Variants in TVP23C observed in about 807,000 individuals in gnomAD.
TVP23C encodes trans-golgi network vesicle protein 23 homolog C.
In TVP23C, 19 loss-of-function variants were observed where a neutral mutation model predicts 28.7. That is an observed-to-expected ratio of 0.66 (90% CI 0.46 to 0.97). TVP23C has a LOEUF of 0.97. TVP23C is among the 50% of genes least tolerant of loss of function. The pLI is 0.00. For missense variants in TVP23C, 186 were observed against 241.3 expected (o/e 0.77, Z 1.52); for synonymous variants, 68 against 81.7 (o/e 0.83, Z 0.90).
downstream of TVP23C, among the ~76,000 whole-genome samples, chr17:15,532,172 T>C (rs1275299509): frequency 3.9e-5 from 6 of 152,226 alleles, no homozygotes; most frequent in Non-Finnish European, 5.9e-5. Context: ...CCCCTTTTTT[T>C]AAGTTTTCTG....
At chr17:15,513,572 A>T (rs1015227247) in intron 5 of TVP23C, among the ~76,000 whole-genome samples, 1 of 152,224 alleles carries the variant, frequency 6.6e-6, no homozygotes, top group Non-Finnish European at 1.5e-5. Context: ...CCATCTAAAA[A>T]GCAAAGAGGT....
intron 5 of TVP23C, among the ~76,000 whole-genome samples, chr17:15,507,571 G>A (rs1352485180): frequency 6.6e-6 from 1 of 152,158 alleles, no homozygotes; most frequent in Non-Finnish European, 1.5e-5. Context: ...GGGCGCGGTG[G>A]CTCACGCCTG....
In TVP23C at chr17:15,537,726, T is replaced by G; in HGVS notation, c.*2686A>C. On this transcript the variant is annotated 3_prime_UTR_variant, in exon 6 of 6. Transcript: ENST00000518321. Reference sequence around the variant, plus strand: ...TCCTGAAAACAATCTACAGAAATAATATGTAAACATATAGAGCTTTGAGAC... The same window carrying G: ...TCCTGAAAACAATCTACAGAAATAAGATGTAAACATATAGAGCTTTGAGAC... 1.0e-6 allele frequency: 1 copy of G among 995,922 alleles called. No individual in the cohort carries two copies. The highest frequency in any genetic ancestry group is 1.2e-6 in the Non-Finnish European group (1 of 836,840). 61.7% of individuals were successfully genotyped at this position (995,922 alleles called of 1,614,324 possible).
At chr17:15,554,342 A>AT (rs904151503) in intron 2 of TVP23C, among the ~76,000 whole-genome samples, 8 of 144,290 alleles carry the variant, frequency 5.5e-5, no homozygotes, top group African/African-American at 2.1e-4. Flanking sequence ...GGTTCACGCC[A>AT]TTGTCCTGCC....
intron 5 of TVP23C, among the ~76,000 whole-genome samples, chr17:15,506,007 C>A (rs559740017): frequency 6.6e-6 from 1 of 152,242 alleles, no homozygotes; most frequent in African/African-American, 2.4e-5. Context: ...CAAGCCTCCC[C>A]GACGAGCGCC....
At chr17:15,561,526 G>A (rs1392084346) in intron 1 of TVP23C, among the ~76,000 whole-genome samples, 1 of 150,724 alleles carries the variant, frequency 6.6e-6, no homozygotes, top group Non-Finnish European at 1.5e-5. Context: ...TTGAAGCCGG[G>A]AGACGGAGGT....
At chr17:15,503,370 A>G (rs1405011591) in intron 5 of TVP23C, 2 of 1,086,302 alleles carry the variant, frequency 1.8e-6, no homozygotes, top group East Asian at 5.3e-5. Context: ...ACGCCACTGC[A>G]CTCCAGCCTG....
chr17:15,546,891 TAGAC>T, intron 4 of TVP23C, among the ~76,000 whole-genome samples, 164 bp downstream of exon 4: 3 of 152,002 alleles, frequency 2.0e-5, no homozygotes, highest in Middle Eastern at 6.8e-3. Flanking sequence ...TGGTCTGAAC[TAGAC>T]AGAAAAATGC....
At chr17:15,558,641 G>A (rs1335274265) in intron 1 of TVP23C, among the ~76,000 whole-genome samples, 1 of 147,472 alleles carries the variant, frequency 6.8e-6, no homozygotes, top group Non-Finnish European at 1.5e-5. Context: ...GATTTGAACA[G>A]GCTGTGCTGA....
intron 5 of TVP23C, among the ~76,000 whole-genome samples, chr17:15,526,699 T>C (rs1982742182): frequency 1.3e-5 from 2 of 152,154 alleles, no homozygotes; most frequent in Admixed American, 6.5e-5. Context: ...TTACATCATA[T>C]GTTAGTATAT....
chr17:15,515,527 A>G (rs538200427), intron 5 of TVP23C, among the ~76,000 whole-genome samples: 2 of 152,288 alleles, frequency 1.3e-5, no homozygotes, highest in African/African-American at 4.8e-5. Context: ...AATGAACTAC[A>G]CGAGATACGA....
In TVP23C at chr17:15,542,746, G is replaced by C. The variant is rs182288434; in HGVS notation, c.463-2185C>G. On this transcript the variant is annotated intron_variant, in intron 5 of 5. Coordinates refer to ENST00000518321, the MANE Select transcript of TVP23C (RefSeq NM_001135036.2). ...CGCCTTGGCCCTCCCAAAGTGCTGG[G>C]ATTACAGGCATGAGCCACCATGCCA... 5.6e-3 allele frequency among the ~76,000 whole-genome samples: 846 copies of C among 152,294 alleles called. 6 individuals carry two copies. Among genetic ancestry groups the C allele is most frequent in the Non-Finnish European group, 9.5e-3 (648 of 68,022 alleles).
At position 15,553,729 on chromosome 17, in the gene TVP23C, C is replaced by T; in HGVS notation, c.196G>A (p.Val66Ile). 4.3e-6 allele frequency: 7 copies of T among 1,613,716 alleles called. No individual in the cohort carries two copies. The highest frequency in any genetic ancestry group is 5.9e-6 in the Non-Finnish European group (7 of 1,179,878). Residue 66 changes from valine to isoleucine, a missense_variant, in exon 3 of 6, where the codon GTT becomes ATT. By Grantham distance (29) the Val-to-Ile change is conservative. Transcript: ENST00000518321. ...CACGACAACAACAAGATAATTGTAA[C>T]CATACAGGTAATAAAGCTGCTGCTG... ...LLSSSFITCM[V>I]TIILLLSCDF... is the part of the protein sequence containing the mutation.
At chr17:15,554,211 A>G (rs1323785002) in intron 2 of TVP23C, among the ~76,000 whole-genome samples, 1 of 152,072 alleles carries the variant, frequency 6.6e-6, no homozygotes, top group Non-Finnish European at 1.5e-5. Flanking sequence ...CATTAAGACA[A>G]AGTTATCAGG....
At chr17:15,555,974 T>A (rs1054586234) in intron 1 of TVP23C, among the ~76,000 whole-genome samples, 8 of 152,240 alleles carry the variant, frequency 5.3e-5, no homozygotes, top group Non-Finnish European at 1.0e-4. Flanking sequence ...TGGAGTACAA[T>A]GGCACGATCT....
At chr17:15,554,277 G>A (rs865958034) in intron 2 of TVP23C, among the ~76,000 whole-genome samples, 11 of 135,660 alleles carry the variant, frequency 8.1e-5, no homozygotes, top group Admixed American at 2.6e-4. Context: ...TCGCTCCGTC[G>A]CCCAGGCTGG....
Position 15,539,339 on chromosome 17 carries a change from G to C in TVP23C, c.*1073C>G. 1.0e-6 allele frequency: 1 copy of C among 984,420 alleles called. No individual in the cohort carries two copies. The highest frequency in any genetic ancestry group is 1.7e-5 in the African/African-American group (1 of 57,332). 61.0% of individuals were successfully genotyped at this position (984,420 alleles called of 1,614,324 possible). The stretch of plus-strand genomic sequence containing the variant: ...AGACCTAGTCACGGCCAGGCGCCGT[G>C]GCTCACGCCTGTAATCCCAGCACTT... On this transcript the variant is annotated 3_prime_UTR_variant, in exon 6 of 6. Coordinates refer to ENST00000518321, the MANE Select transcript of TVP23C (RefSeq NM_001135036.2).
chr17:15,559,606 A>T (rs1984290766), intron 1 of TVP23C, among the ~76,000 whole-genome samples: 1 of 148,790 alleles, frequency 6.7e-6, no homozygotes, highest in Non-Finnish European at 1.5e-5. Context: ...AAGGAGGGAC[A>T]AAAGCACAAC....
Position 15,538,402 on chromosome 17 carries a change from A to G in TVP23C, c.*2010T>C. ...TCAGGAGATCGAGACCCTCCTGGCT[A>G]ACACAGTGAAACCCCGTCTCTACTA... On this transcript the variant is annotated 3_prime_UTR_variant, in exon 6 of 6. Transcript: ENST00000518321. 12 of 786,506 alleles carry G rather than the reference A, an allele frequency of 1.5e-5. No individual in the cohort carries two copies. The highest frequency in any genetic ancestry group is 1.8e-5 in the Non-Finnish European group (12 of 648,952). 48.7% of individuals were successfully genotyped at this position (786,506 alleles called of 1,614,324 possible).
Sources: allele counts gnomAD v4.1 joint callset (sites outside exome capture counted in the v4.1 genomes callset), GRCh38; gene constraint gnomAD v4.1.1; transcripts MANE v1.5; gene names NCBI Gene and HGNC (gene_info 2026-07-23, HGNC 2026-07-21).